Variants in GARRE1 observed in about 807,000 individuals in gnomAD.
GARRE1 encodes the protein granule associated Rac and RHOG effector 1.
A neutral mutation model predicts 103.2 loss-of-function variants in GARRE1; 49 were observed. That is an observed-to-expected ratio of 0.47 (90% CI 0.38 to 0.60). The LOEUF (loss-of-function observed/expected upper bound fraction) is 0.60. GARRE1 is among the 20% of genes least tolerant of loss of function. GARRE1 has a pLI of 0.00. For synonymous variants in GARRE1, 505 were observed against 532.8 expected, an observed-to-expected ratio of 0.95 and a Z score of 0.72; for missense variants, 1,199 against 1,370.5, an observed-to-expected ratio of 0.87 and a Z score of 1.98.
At position 34,353,278 on chromosome 19, in the gene GARRE1, C is replaced by T. The variant is rs932052799; in HGVS notation, c.*323C>T. 5 of 381,810 alleles carry T rather than the reference C, an allele frequency of 1.3e-5. No individual in the cohort carries two copies. Among genetic ancestry groups the T allele is most frequent in the Admixed American group, 8.2e-5 (2 of 24,428 alleles). The allele number at this position is 381,810 out of a possible 1,614,324, so 23.7% of individuals were successfully genotyped here. On this transcript the variant is annotated 3_prime_UTR_variant, in exon 14 of 14. Transcript: ENST00000299505. ...CGCCACAGCCACACTTGAAGAAACACAGCTCTTGGGTTTTTAGTCCTGCTG... is the reference window on the plus strand; with the variant it reads ...CGCCACAGCCACACTTGAAGAAACATAGCTCTTGGGTTTTTAGTCCTGCTG...
intron 2 of GARRE1, among the ~76,000 whole-genome samples, chr19:34,309,638 C>A (rs573112816): frequency 1.4e-4 from 21 of 152,186 alleles, no homozygotes; most frequent in African/African-American, 5.1e-4. Flanking sequence ...CTGTGCCTGG[C>A]CATAGGATTG....
intron 10 of GARRE1, among the ~76,000 whole-genome samples, chr19:34,344,483 T>C (rs891388858): frequency 2.0e-5 from 3 of 148,224 alleles, no homozygotes; most frequent in South Asian, 2.1e-4. Context: ...CCCAGCTACT[T>C]GGGAGGCTGA....
intron 1 of GARRE1, among the ~76,000 whole-genome samples, chr19:34,266,104 C>G (rs1283169059): frequency 6.6e-6 from 1 of 152,228 alleles, no homozygotes. Flanking sequence ...CTCTTCACCA[C>G]TGCATCCTGG....
chr19:34,290,711 ACTC>A (rs2073912733), intron 1 of GARRE1, among the ~76,000 whole-genome samples: 1 of 150,736 alleles, frequency 6.6e-6, no homozygotes, highest in Non-Finnish European at 1.5e-5. Flanking sequence ...CTGGTCTTGA[ACTC>A]CTGGCCTCAA....
chr19:34,287,224 T>TA (rs1404188119), intron 1 of GARRE1, among the ~76,000 whole-genome samples: 1 of 152,156 alleles, frequency 6.6e-6, no homozygotes, highest in Non-Finnish European at 1.5e-5. Context: ...AATCAGTATT[T>TA]AAATAGTCAT....
chr19:34,333,677 GTTTTT>G (rs74177138), intron 7 of GARRE1, 22 bp from the exon 8 acceptor site: 31 of 674,328 alleles, frequency 4.6e-5, no homozygotes, highest in Non-Finnish European at 6.1e-5. Flanking sequence ...GTTGTTATTT[GTTTTT>G]TTTTTTTTTT....
At chr19:34,282,885 G>T (rs1436629352) in intron 1 of GARRE1, among the ~76,000 whole-genome samples, 1 of 152,172 alleles carries the variant, frequency 6.6e-6, no homozygotes, top group Non-Finnish European at 1.5e-5. Context: ...GGCCAGCTTT[G>T]CTCTGGTCTG....
At chr19:34,326,113 C>T (rs1293772634) in intron 3 of GARRE1, among the ~76,000 whole-genome samples, 1 of 152,208 alleles carries the variant, frequency 6.6e-6, no homozygotes, top group African/African-American at 2.4e-5. Flanking sequence ...TAACATACCA[C>T]CTTGTGAGCT....
chr19:34,348,516 T>C (rs1210720489), intron 11 of GARRE1: 2 of 154,820 alleles, frequency 1.3e-5, no homozygotes, highest in Non-Finnish European at 2.9e-5. Context: ...TTATATCCCA[T>C]ATTGCTACAT....
chr19:34,320,257 T>A, intron 3 of GARRE1, 141 bp downstream of exon 3: 1 of 769,080 alleles, frequency 1.3e-6, no homozygotes, highest in Non-Finnish European at 2.1e-6. Context: ...TTCATTCATT[T>A]AACAGTGAAC....
chr19:34,323,707 A>G lies in GARRE1; in HGVS notation c.705+3591A>G, dbSNP rs536962481. On this transcript the variant is annotated intron_variant, in intron 3 of 13. Coordinates refer to ENST00000299505, the MANE Select transcript of GARRE1 (RefSeq NM_014686.5). ...CTGGCTGCTGGGCCCCAGCCTCCTG[A>G]CTGTTCAGCTCACACACGTGAACCT... Among the ~76,000 whole-genome samples, 38 of 152,056 alleles carry G rather than the reference A, an allele frequency of 2.5e-4. No homozygotes were observed. In the South Asian group the frequency reaches 7.1e-3, roughly 28 times the overall value.
chr19:34,270,195 T>G (rs2073778300), intron 1 of GARRE1, among the ~76,000 whole-genome samples: 2 of 152,212 alleles, frequency 1.3e-5, no homozygotes, highest in African/African-American at 2.4e-5. Flanking sequence ...AAGCAGTGAT[T>G]TTAGGTGGCA....
Position 34,320,137 on chromosome 19 carries a change from A to G in GARRE1, c.705+21A>G, listed in dbSNP as rs201216656. On this transcript the variant is annotated intron_variant, in intron 3 of 13. Transcript: ENST00000299505. ...CTGAGGTAACCCTGGCTTTGGGGAG[A>G]TTGGTGCCTGTGTTCAAATAGGAGA... 100 of 1,605,854 alleles carry G rather than the reference A, an allele frequency of 6.2e-5. No individual in the cohort carries two copies. The Middle Eastern group carries it at 9.9e-4, about 16-fold the overall frequency.
intron 2 of GARRE1, among the ~76,000 whole-genome samples, chr19:34,307,814 A>ATT (rs59757372): frequency 1.0e-4 from 11 of 109,678 alleles, no homozygotes; most frequent in East Asian, 7.1e-4. Context: ...ATATATATAT[A>ATT]TTTTTTTTTT....
At chr19:34,284,584 G>A (rs1354713729) in intron 1 of GARRE1, among the ~76,000 whole-genome samples, 1 of 152,172 alleles carries the variant, frequency 6.6e-6, no homozygotes, top group East Asian at 1.9e-4. Context: ...TACTTAAAAT[G>A]TTCTTTTCTG....
At chr19:34,301,457 T>A (rs2073978050) in intron 2 of GARRE1, among the ~76,000 whole-genome samples, 1 of 138,246 alleles carries the variant, frequency 7.2e-6, no homozygotes, top group African/African-American at 2.8e-5. Context: ...GAGGCTGCAG[T>A]GAGCCGTGAT....
intron 1 of GARRE1, among the ~76,000 whole-genome samples, chr19:34,289,783 T>C (rs1424422220): frequency 1.3e-5 from 2 of 152,134 alleles, no homozygotes; most frequent in African/African-American, 4.8e-5. Context: ...GATTTGTTAC[T>C]GCAGCATAGC....
intron 2 of GARRE1, among the ~76,000 whole-genome samples, chr19:34,313,666 C>T (rs919433842): frequency 5.3e-5 from 8 of 152,118 alleles, no homozygotes; most frequent in African/African-American, 1.9e-4. Context: ...CAAATTTTAA[C>T]AAAAAGTACA....
chr19:34,288,141 G>A (rs983086049), intron 1 of GARRE1, among the ~76,000 whole-genome samples: 2 of 152,098 alleles, frequency 1.3e-5, no homozygotes, highest in Admixed American at 1.3e-4. Flanking sequence ...TACAGGAAGT[G>A]CAGGAAGCTC....
Sources: allele counts gnomAD v4.1 joint callset (sites outside exome capture counted in the v4.1 genomes callset), GRCh38; gene constraint gnomAD v4.1.1; transcripts MANE v1.5; gene names NCBI Gene and HGNC (gene_info 2026-07-23, HGNC 2026-07-21).